NLRP13: variants seen among roughly 807,000 people sequenced by gnomAD.
NLRP13 encodes the protein NLR family pyrin domain containing 13, also known as NACHT, LRR and PYD domains-containing protein 13.
A neutral mutation model predicts 94.4 loss-of-function variants in NLRP13; 82 were observed. The observed-to-expected ratio is 0.87, with a 90% CI of 0.73 to 1.04. NLRP13 has a LOEUF of 1.04. Among genes scored for constraint, NLRP13 ranks in the 50% least tolerant of loss-of-function variants. The probability of loss-of-function intolerance (pLI) is 0.00; values close to 1 mark genes in which losing one functional copy is unlikely to be tolerated. For synonymous variants in NLRP13, 553 were observed against 464.7 expected (o/e 1.19, Z -2.45); for missense variants, 1,426 against 1,230.8 (o/e 1.16, Z -2.37).
intron 2 of NLRP13, 43 bp from the exon 3 acceptor site, chr19:55,924,701 T>G: frequency 6.5e-7 from 1 of 1,547,326 alleles, no homozygotes; most frequent in South Asian, 1.1e-5. Flanking sequence ...TACCCCAGAG[T>G]GAAAATGGGC....
At chr19:55,915,835 C>T (rs2123130089) in intron 4 of NLRP13, among the ~76,000 whole-genome samples, 1 of 152,238 alleles carries the variant, frequency 6.6e-6, no homozygotes, top group South Asian at 2.1e-4. Context: ...CAGACCAGCC[C>T]ATTGCCTGAT....
Position 55,912,754 on chromosome 19 carries a change from G to A in NLRP13, c.1063C>T (p.Pro355Ser). The change falls in exon 5 of 11, where the codon CCC (proline) becomes TCC (serine). Residue 355 changes from proline (P) to serine (S), a missense_variant. Transcript: ENST00000342929. ...ATCGTGATCAGTAAGGTAGCCAGGG[G>A]AACCAATTCTTTCTTCAACAAGCTG... is the stretch of plus-strand genomic sequence containing the variant. Reference protein sequence around the residue: ...LHSLLKKELVPLATLLITIKT... With the variant: ...LHSLLKKELVSLATLLITIKT... The A allele has an allele frequency of 6.2e-7, 1 of 1,614,102 alleles. No homozygotes were observed.
intron 9 of NLRP13, among the ~76,000 whole-genome samples, chr19:55,899,440 C>T (rs564337105): frequency 2.0e-3 from 309 of 152,142 alleles, no homozygotes; most frequent in African/African-American, 6.7e-3. Context: ...AAGGAAGCGA[C>T]AGGAGGAGAA....
rs151280971 is a variant in NLRP13 at position 55,926,614 on chromosome 19, C to T, written c.320-1579G>A. Among the ~76,000 whole-genome samples, 579 of 152,192 alleles carry T rather than the reference C, an allele frequency of 3.8e-3. 7 individuals are homozygous for T. The highest frequency in any genetic ancestry group is 0.013 in the African/African-American group (549 of 41,508). On this transcript the variant is annotated intron_variant, in intron 1 of 10. Transcript: ENST00000342929. ...TGTCTTTATCCTAATCCTAGCAACC[C>T]CTCAATGTAGGGAAGCACCGGTGAT...
chr19:55,917,547 A>G (rs994320396), intron 4 of NLRP13, among the ~76,000 whole-genome samples: 1 of 151,982 alleles, frequency 6.6e-6, no homozygotes, highest in Non-Finnish European at 1.5e-5. Flanking sequence ...ATCTTACTTC[A>G]CTATAGACTG....
intron 4 of NLRP13, 129 bp from the exon 5 acceptor site, chr19:55,913,422 G>T: frequency 9.3e-7 from 1 of 1,080,470 alleles, no homozygotes; most frequent in Non-Finnish European, 1.3e-6. Flanking sequence ...TTGTGGGAAT[G>T]CAGTGGTAGA....
chr19:55,904,295 G>A (rs1435732694), intron 8 of NLRP13, among the ~76,000 whole-genome samples: 1 of 152,072 alleles, frequency 6.6e-6, no homozygotes. Context: ...TGCCATGTTG[G>A]TCAGGCTGGT....
intron 4 of NLRP13, among the ~76,000 whole-genome samples, chr19:55,920,887 G>GCT (rs1986804607): frequency 1.3e-5 from 2 of 151,954 alleles, no homozygotes; most frequent in African/African-American, 4.8e-5. Flanking sequence ...AAGAAAATGT[G>GCT]GTGTATGTAT....
At chr19:55,893,386 C>T (rs1280196893), downstream of NLRP13, among the ~76,000 whole-genome samples, 1 of 151,824 alleles carries the variant, frequency 6.6e-6, no homozygotes, top group African/African-American at 2.4e-5. Flanking sequence ...GAAACTCCAT[C>T]TCAAAAAAAA....
chr19:55,908,154 A>T (rs1308123378), intron 6 of NLRP13, among the ~76,000 whole-genome samples, 198 bp from the exon 7 acceptor site: 2 of 152,182 alleles, frequency 1.3e-5, no homozygotes, highest in African/African-American at 2.4e-5. Context: ...CAAAAAAATC[A>T]GTAAACTCAG....
intron 4 of NLRP13, among the ~76,000 whole-genome samples, chr19:55,920,000 G>T (rs567091364): frequency 8.5e-5 from 13 of 152,172 alleles, no homozygotes; most frequent in African/African-American, 2.4e-4. Context: ...CAATGTAACA[G>T]AATAGAGAGG....
At chr19:55,909,255 G>T (rs2072128282) in intron 6 of NLRP13, among the ~76,000 whole-genome samples, 1 of 152,172 alleles carries the variant, frequency 6.6e-6, no homozygotes, top group African/African-American at 2.4e-5. Context: ...CTTCAAGCCA[G>T]ATCTGAGACA....
At chr19:55,905,506 T>C (rs1354648858) in intron 7 of NLRP13, among the ~76,000 whole-genome samples, 1 of 151,380 alleles carries the variant, frequency 6.6e-6, no homozygotes, top group Admixed American at 6.6e-5. Flanking sequence ...TACATATATA[T>C]CTGGGCATGG....
In NLRP13 at chr19:55,912,939, T is replaced by A; in HGVS notation, c.878A>T (p.Asp293Val). ...ELISLDWPDF[D>V]APIEEFMSQP... ...AGACATGAACTCTTCAATGGGGGCA[T>A]CAAAATCGGGCCAATCCAAAGAAAT... The change falls in exon 5 of 11, where the codon GAT (aspartate) becomes GTT (valine). Residue 293 changes from aspartate to valine, a missense_variant. By Grantham distance (152) the Asp-to-Val change is radical. Transcript: ENST00000342929. 6.2e-7 allele frequency: 1 copy of A among 1,613,990 alleles called. No homozygotes were observed. Among genetic ancestry groups the A allele is most frequent in the South Asian group, 1.1e-5 (1 of 91,074 alleles).
intron 4 of NLRP13, among the ~76,000 whole-genome samples, chr19:55,914,455 G>C (rs1038634454): frequency 3.9e-5 from 6 of 152,148 alleles, no homozygotes; most frequent in Admixed American, 3.9e-4. Context: ...GAGAAAACAA[G>C]TAGAAAGCTA....
At chr19:55,913,379 A>T in intron 4 of NLRP13, 86 bp from the exon 5 acceptor site, 1 of 1,404,688 alleles carries the variant, frequency 7.1e-7, no homozygotes, top group South Asian at 1.4e-5. Context: ...TACCCCAAAG[A>T]CTTGAATAAG....
downstream of NLRP13, chr19:55,892,226 T>C: frequency 1.3e-6 from 1 of 778,862 alleles, no homozygotes; most frequent in Non-Finnish European, 1.7e-6. Flanking sequence ...TACATGGGTC[T>C]ACTGTGTGGC....
chr19:55,895,853 C>T (rs760980569), downstream of NLRP13: 19 of 1,409,552 alleles, frequency 1.3e-5, no homozygotes, highest in Middle Eastern at 8.0e-4. Flanking sequence ...CTGAGGAAGC[C>T]GAGTGCAATG....
intron 4 of NLRP13, among the ~76,000 whole-genome samples, chr19:55,922,410 C>T (rs550219065): frequency 6.6e-6 from 1 of 152,092 alleles, no homozygotes; most frequent in South Asian, 2.1e-4. Context: ...TCACTGCAAC[C>T]TCTGCCTCCC....
Sources: allele counts gnomAD v4.1 joint callset (sites outside exome capture counted in the v4.1 genomes callset), GRCh38; gene constraint gnomAD v4.1.1; transcripts MANE v1.5; gene names NCBI Gene and HGNC (gene_info 2026-07-23, HGNC 2026-07-21).